The following MAPK4 variants were observed in gnomAD, a reference collection of about 807,000 sequenced individuals.
MAPK4 encodes the protein Erk3-related.
In MAPK4, 22 loss-of-function variants were observed where a neutral mutation model predicts 47.7. The observed-to-expected ratio is 0.46, with a 90% CI of 0.33 to 0.66. The LOEUF is 0.66. Among genes scored for constraint, MAPK4 ranks in the 30% least tolerant of loss-of-function variants. The pLI is 0.02. For missense variants in MAPK4, 736 were observed against 831.7 expected, an observed-to-expected ratio of 0.88 and a Z score of 1.42; for synonymous variants, 390 against 365.7, an observed-to-expected ratio of 1.07 and a Z score of -0.76.
chr18:50,562,985 G>A (rs2042167319), intron 1 of MAPK4, among the ~76,000 whole-genome samples: 1 of 152,014 alleles, frequency 6.6e-6, no homozygotes. Flanking sequence ...AGAAATTCCT[G>A]GTAATGGCTT....
intron 3 of MAPK4, among the ~76,000 whole-genome samples, chr18:50,718,400 T>C (rs939316203): frequency 1.3e-5 from 2 of 152,088 alleles, no homozygotes; most frequent in African/African-American, 4.8e-5. Flanking sequence ...GTATTTATAG[T>C]AGAGACGGAG....
chr18:50,608,573 C>T (rs987670008), intron 1 of MAPK4, among the ~76,000 whole-genome samples: 1 of 152,096 alleles, frequency 6.6e-6, no homozygotes, highest in Admixed American at 6.5e-5. Context: ...ATTTTGGGGG[C>T]CATCAGATTT....
chr18:50,652,279 C>A lies in MAPK4; in HGVS notation c.-870-10810C>A, dbSNP rs145230372. Among the ~76,000 whole-genome samples, 343 of 152,292 alleles carry A rather than the reference C, an allele frequency of 2.3e-3. 9 individuals are homozygous for A. In the East Asian group the frequency reaches 0.026, roughly 12 times the overall value. ...TCACCAGAAAACAGGGAGATGCAAT[C>A]GCTGGGAGAGGGATCACTTTTTTCT... On this transcript the variant is annotated intron_variant, in intron 1 of 5. Transcript: ENST00000400384.
intron 1 of MAPK4, among the ~76,000 whole-genome samples, chr18:50,651,653 G>A (rs1420148792): frequency 5.3e-5 from 8 of 152,160 alleles, no homozygotes; most frequent in African/African-American, 7.2e-5. Flanking sequence ...GACACATGGC[G>A]GCAGTCAGGA....
rs538604032 is a variant in MAPK4, at chr18:50,654,332, G to A, written c.-870-8757G>A. Among the ~76,000 whole-genome samples the A allele has an allele frequency of 3.3e-5, 5 of 152,338 alleles. No individual in the cohort carries two copies. The East Asian group carries it at 7.7e-4, about 24-fold the overall frequency. ...TATCTCCCAATTCAGGGAAGGCACA[G>A]TGGCCTGCAGGCACCATTCAATAAG... On this transcript the variant is annotated intron_variant, in intron 1 of 5. Transcript: ENST00000400384.
rs747847970 is a variant in MAPK4, at chr18:50,729,814, A to T, written c.1724A>T (p.Asp575Val). 31 of 1,612,010 alleles carry T rather than the reference A, an allele frequency of 1.9e-5. No individual in the cohort carries two copies. In the South Asian group the frequency reaches 3.4e-4, roughly 18 times the overall value. Residue 575 changes from aspartate (D) to valine (V), a missense_variant, in exon 6 of 6, where the codon GAC becomes GTC. Transcript: ENST00000400384. ...NGACIPEHPG[D>V]LVQTEAFSKE... is the part of the protein sequence containing the mutation. ...GCGTGCATCCCCGAGCACCCTGGCG[A>T]CCTCGTGCAGACCGAGGCCTTCTCC...
At position 50,714,938 on chromosome 18, in the gene MAPK4, C is replaced by T. The variant is rs1263922261; in HGVS notation, c.547-141C>T. On this transcript the variant is annotated intron_variant, in intron 2 of 5. Coordinates refer to ENST00000400384, the MANE Select transcript of MAPK4 (RefSeq NM_002747.4). ...ACCAGACGTCTGTTCACTCATGCTC[C>T]TTCAAGATCAATGGGAAAGGGGCAA... 7.3e-6 allele frequency: 6 copies of T among 825,682 alleles called. No individual in the cohort carries two copies. The African/African-American group carries it at 1.0e-4, about 14-fold the overall frequency. The allele number at this position is 825,682 out of a possible 1,614,324, so 51.1% of individuals were successfully genotyped here.
intron 3 of MAPK4, among the ~76,000 whole-genome samples, chr18:50,716,878 T>G (rs879312224): frequency 6.6e-6 from 1 of 152,148 alleles, no homozygotes; most frequent in Non-Finnish European, 1.5e-5. Flanking sequence ...CAGAGCGGGA[T>G]AGAGCCTCTG....
chr18:50,729,302 C>G lies in MAPK4; in HGVS notation c.1212C>G (p.Ser404Arg). Residue 404 changes from serine to arginine, a missense_variant, in exon 6 of 6, where the codon AGC becomes AGG. By Grantham distance (110) the Ser-to-Arg change is moderately radical. Transcript: ENST00000400384. ...ACCCGCGCAAGGACTCGCACAGCAG[C>G]TCCGAGCGCTTCCTAGAGCAGTCGC... ...QVDPRKDSHS[S>R]SERFLEQSHS... is the part of the protein sequence containing the mutation. 1 of 1,607,130 alleles carries G rather than the reference C, an allele frequency of 6.2e-7. No homozygotes were observed. The highest frequency in any genetic ancestry group is 8.5e-7 in the Non-Finnish European group (1 of 1,176,942).
intron 1 of MAPK4, among the ~76,000 whole-genome samples, chr18:50,635,773 T>C (rs2042880855): frequency 6.6e-6 from 1 of 152,172 alleles, no homozygotes; most frequent in African/African-American, 2.4e-5. Flanking sequence ...CATGGTCTGG[T>C]CCACGGGTGC....
chr18:50,572,032 A>G (rs1370669896), intron 1 of MAPK4, among the ~76,000 whole-genome samples: 1 of 152,256 alleles, frequency 6.6e-6, no homozygotes, highest in Admixed American at 6.5e-5. Flanking sequence ...GGAGGTGAGA[A>G]ATATGTAACA....
intron 1 of MAPK4, among the ~76,000 whole-genome samples, chr18:50,650,768 G>A (rs2043039998): frequency 6.6e-6 from 1 of 152,216 alleles, no homozygotes; most frequent in Non-Finnish European, 1.5e-5. Context: ...TTGGAATGCT[G>A]GTAGCTGCTG....
At chr18:50,586,531 G>A (rs1317180285) in intron 1 of MAPK4, among the ~76,000 whole-genome samples, 4 of 151,894 alleles carry the variant, frequency 2.6e-5, no homozygotes. Context: ...GGTACATAGA[G>A]TTGGGCAGAA....
At chr18:50,691,940 C>G (rs1292642512) in intron 2 of MAPK4, among the ~76,000 whole-genome samples, 1 of 152,162 alleles carries the variant, frequency 6.6e-6, no homozygotes, top group Non-Finnish European at 1.5e-5. Context: ...TTTGGTTACC[C>G]CCATCTCCTT....
rs112726197 is a variant in MAPK4, at chr18:50,623,997, C to T, written c.-870-39092C>T. On this transcript the variant is annotated intron_variant, in intron 1 of 5. Transcript: ENST00000400384. ...TTCTTACCTTTCAGGTCTCAGGCCA[C>T]GTGATTTCTTTTCAGAGACACCTTC... Among the ~76,000 whole-genome samples, 1,242 of 152,340 alleles carry T rather than the reference C, an allele frequency of 8.2e-3. 9 individuals carry two copies. Among genetic ancestry groups the T allele is most frequent in the African/African-American group, 0.028 (1,184 of 41,570 alleles).
chr18:50,713,498 C>A (rs1219999685), intron 2 of MAPK4, among the ~76,000 whole-genome samples: 3 of 152,308 alleles, frequency 2.0e-5, no homozygotes, highest in African/African-American at 7.2e-5. Flanking sequence ...CCTTTTCATT[C>A]ATTCATTCAA....
intron 2 of MAPK4, among the ~76,000 whole-genome samples, chr18:50,700,106 G>C (rs1909708544): frequency 6.6e-6 from 1 of 152,100 alleles, no homozygotes; most frequent in African/African-American, 2.4e-5. Flanking sequence ...CCTGGAAGTT[G>C]GGCTGATACC....
At position 50,609,950 on chromosome 18, in the gene MAPK4, A is replaced by G. The variant is rs952486217; in HGVS notation, c.-871+49707A>G. On this transcript the variant is annotated intron_variant, in intron 1 of 5. Transcript: ENST00000400384. ...GTAGTACAGATAGGACTTTACCAAC[A>G]TCGCTCCAATAATTCCTTCTCACAA... Among the ~76,000 whole-genome samples the G allele has an allele frequency of 4.6e-5, 7 of 152,204 alleles. No homozygotes were observed. In the South Asian group the frequency reaches 1.2e-3, roughly 27 times the overall value.
At chr18:50,719,477 G>A (rs927234286) in intron 3 of MAPK4, among the ~76,000 whole-genome samples, 1 of 152,178 alleles carries the variant, frequency 6.6e-6, no homozygotes, top group Admixed American at 6.5e-5. Flanking sequence ...TTCAAGGCAG[G>A]GGAGAAAGGA....
Sources: gnomAD v4.1 joint callset for allele counts (sites outside exome capture counted in the v4.1 genomes callset) on GRCh38, gnomAD v4.1.1 for gene constraint, MANE v1.5 for transcripts, NCBI Gene and HGNC (gene_info 2026-07-23, HGNC 2026-07-21) for gene names.